The following FZD10 variants were observed in gnomAD, a reference collection of about 807,000 sequenced individuals.
The protein encoded by FZD10 is frizzled-10.
A neutral mutation model predicts 24.4 loss-of-function variants in FZD10; 14 were observed. The observed-to-expected ratio is 0.57, with a 90% CI of 0.38 to 0.90. The LOEUF is 0.90. FZD10 is among the 40% of genes least tolerant of loss of function. The pLI is 0.00. For missense variants in FZD10, 775 were observed against 816.6 expected (o/e 0.95, Z 0.62); for synonymous variants, 381 against 349.1 (o/e 1.09, Z -1.02).
At position 130,164,209 on chromosome 12, in the gene FZD10, A is replaced by C. The variant is rs762342183; in HGVS notation, c.1267A>C (p.Ile423Leu). The stretch of plus-strand genomic sequence containing the variant: ...CTCGGGCTTCGTGGCCCTGTTCCAC[A>C]TCCGGAGGGTGATGAAGACGGGCGG... ...ILSGFVALFH[I>L]RRVMKTGGEN... Residue 423 changes from isoleucine to leucine, a missense_variant, in exon 1 of 1, where the codon ATC (isoleucine) becomes CTC (leucine). Ile to Leu is a conservative substitution (Grantham distance 5, BLOSUM62 2). Coordinates refer to ENST00000229030, the MANE Select transcript of FZD10 (RefSeq NM_007197.4). This position sits in a 1 kb window ranked among gnomAD's most constrained non-coding sequence, Gnocchi z 5.3. The C allele has an allele frequency of 6.2e-7, 1 of 1,614,140 alleles. No individual in the cohort carries two copies.
Position 130,163,614 on chromosome 12 carries a change from G to A in FZD10, c.672G>A (p.Lys224=), listed in dbSNP as rs759173330. 2.5e-6 allele frequency: 4 copies of A among 1,612,700 alleles called. No homozygotes were observed. Among genetic ancestry groups the A allele is most frequent in the Non-Finnish European group, 2.5e-6 (3 of 1,179,866 alleles). ...GVDVYWSRED[K]RFAVVWLAIW... ...ACGTGTACTGGAGCCGCGAGGACAAGCGCTTCGCAGTGGTCTGGCTGGCCA... is the reference window on the plus strand; with the variant it reads ...ACGTGTACTGGAGCCGCGAGGACAAACGCTTCGCAGTGGTCTGGCTGGCCA... Residue 224 remains lysine, a synonymous_variant, in exon 1 of 1, where the codon AAG becomes AAA. Transcript: ENST00000229030.
Position 130,163,974 on chromosome 12 carries a change from C to T in FZD10, c.1032C>T (p.His344=), listed in dbSNP as rs144306405. The T allele has an allele frequency of 2.9e-5, 47 of 1,613,712 alleles. 1 individual carries two copies. In the African/African-American group the frequency reaches 5.1e-4, roughly 17 times the overall value. Residue 344 remains histidine (H), a synonymous_variant, in exon 1 of 1, where the codon CAC becomes CAT. Coordinates refer to ENST00000229030, the MANE Select transcript of FZD10 (RefSeq NM_007197.4). ...TGGCCGCCGGCAAGAAGTGGGGCCACGAGGCCATCGAAGCCAACAGCAGCT... is the reference window on the plus strand; with the variant it reads ...TGGCCGCCGGCAAGAAGTGGGGCCATGAGGCCATCGAAGCCAACAGCAGCT... ...WFLAAGKKWG[H]EAIEANSSYF...
At position 130,163,606 on chromosome 12, in the gene FZD10, G is replaced by A. The variant is rs374628122; in HGVS notation, c.664G>A (p.Glu222Lys). The change falls in exon 1 of 1, where the codon GAG (glutamate) becomes AAG (lysine). Residue 222 changes from glutamate (E) to lysine (K), a missense_variant. Physicochemically the swap from Glu to Lys is moderately conservative, Grantham distance 56. Transcript: ENST00000229030. Reference sequence around the variant, plus strand: ...CGGCGTGGACGTGTACTGGAGCCGCGAGGACAAGCGCTTCGCAGTGGTCTG... The same window carrying A: ...CGGCGTGGACGTGTACTGGAGCCGCAAGGACAAGCGCTTCGCAGTGGTCTG... ...TPGVDVYWSR[E>K]DKRFAVVWLA... 5 of 1,612,244 alleles carry A rather than the reference G, an allele frequency of 3.1e-6. No individual in the cohort carries two copies. Among genetic ancestry groups the A allele is most frequent in the African/African-American group, 2.7e-5 (2 of 74,944 alleles).
rs1268212888 is a variant in FZD10 at position 130,165,636 on chromosome 12, G to T, written c.*948G>T. The T allele has an allele frequency of 6.0e-6, 1 of 167,050 alleles. No individual in the cohort carries two copies. Among genetic ancestry groups the T allele is most frequent in the African/African-American group, 2.4e-5 (1 of 41,454 alleles). The allele number at this position is 167,050 out of a possible 1,614,324, so 10.3% of individuals were successfully genotyped here. On this transcript the variant is annotated 3_prime_UTR_variant, in exon 1 of 1. Coordinates refer to ENST00000229030, the MANE Select transcript of FZD10 (RefSeq NM_007197.4). ...CTTTGTCTAGTGTATTCTCTTCACA[G>T]TGCCAGGAAAGAGTGGTTTCTGCGT... is the stretch of plus-strand genomic sequence containing the variant.
rs763279090 is a variant in FZD10, at chr12:130,163,528, G to A, written c.586G>A (p.Gly196Ser). The A allele has an allele frequency of 1.8e-5, 29 of 1,591,472 alleles. No individual in the cohort carries two copies. Among genetic ancestry groups the A allele is most frequent in the Non-Finnish European group, 2.3e-5 (27 of 1,169,488 alleles). ...GPGRGGCDNP[G>S]KFHHVEKSAS... is the part of the protein sequence containing the mutation. Reference sequence around the variant, plus strand: ...CGGGCGCGGCGGCTGCGACAACCCGGGCAAGTTCCACCACGTGGAGAAGAG... The same window carrying A: ...CGGGCGCGGCGGCTGCGACAACCCGAGCAAGTTCCACCACGTGGAGAAGAG... The change falls in exon 1 of 1, where the codon GGC becomes AGC. Residue 196 changes from glycine (G) to serine (S), a missense_variant. Transcript: ENST00000229030.
Position 130,164,425 on chromosome 12 carries a change from G to T in FZD10, c.1483G>T (p.Ala495Ser). 6.2e-7 allele frequency: 1 copy of T among 1,613,904 alleles called. No homozygotes were observed. Among genetic ancestry groups the T allele is most frequent in the Non-Finnish European group, 8.5e-7 (1 of 1,180,030 alleles). ...GACTAAAACGCTGGACTGCCTGATG[G>T]CCGCCTCCATCCCCGCCGTGGAGAT... Reference protein sequence around the residue: ...NQTKTLDCLMAASIPAVEIFM... With the variant: ...NQTKTLDCLMSASIPAVEIFM... Residue 495 changes from alanine to serine, a missense_variant, in exon 1 of 1, where the codon GCC becomes TCC. Physicochemically the swap from Ala to Ser is moderately conservative, Grantham distance 99. Transcript: ENST00000229030. The surrounding 1 kb of genome is among the most constrained non-coding windows in gnomAD (Gnocchi z 5.3).
rs778426298 is a variant in FZD10, at chr12:130,163,217, C to G, written c.275C>G (p.Ala92Gly). ...HLRFFLCSLY[A>G]PMCTEQVSTP... ...CGCTTCTTCCTGTGCTCGCTGTACG[C>G]GCCGATGTGCACCGAGCAGGTCTCT... The change falls in exon 1 of 1, where the codon GCG (alanine) becomes GGG (glycine). Residue 92 changes from alanine (A) to glycine (G), a missense_variant. Coordinates refer to ENST00000229030, the MANE Select transcript of FZD10 (RefSeq NM_007197.4). The G allele has an allele frequency of 6.2e-7, 1 of 1,613,002 alleles. No individual in the cohort carries two copies. Among genetic ancestry groups the G allele is most frequent in the South Asian group, 1.1e-5 (1 of 91,080 alleles).
Position 130,165,616 on chromosome 12 carries a change from T to A in FZD10, c.*928T>A, listed in dbSNP as rs1451529758. ...GCACTAGGTTGGCAGAGACACTTTG[T>A]CTAGTGTATTCTCTTCACAGTGCCA... On this transcript the variant is annotated 3_prime_UTR_variant, in exon 1 of 1. Coordinates refer to ENST00000229030, the MANE Select transcript of FZD10 (RefSeq NM_007197.4). 1 of 167,096 alleles carries A rather than the reference T, an allele frequency of 6.0e-6. No individual in the cohort carries two copies. Among genetic ancestry groups the A allele is most frequent in the Non-Finnish European group, 1.5e-5 (1 of 68,126 alleles). The allele number at this position is 167,096 out of a possible 1,614,324, so 10.4% of individuals were successfully genotyped here. A position where few individuals can be genotyped will look rare whatever the true frequency, so the allele number is the denominator to read the frequency against.
Position 130,163,834 on chromosome 12 carries a change from T to G in FZD10, c.892T>G (p.Tyr298Asp), listed in dbSNP as rs962684822. The G allele has an allele frequency of 6.2e-7, 1 of 1,613,856 alleles. No homozygotes were observed. Among genetic ancestry groups the G allele is most frequent in the African/African-American group, 1.3e-5 (1 of 74,946 alleles). The change falls in exon 1 of 1, where the codon TAT becomes GAT. Residue 298 changes from tyrosine to aspartate, a missense_variant. Coordinates refer to ENST00000229030, the MANE Select transcript of FZD10 (RefSeq NM_007197.4). ...CTGCGACCGGGACAGCGGCCAGCTC[T>G]ATGTCATCCAGGAGGGACTGGAGAG... ...IACDRDSGQL[Y>D]VIQEGLESTG...
chr12:130,162,975 C>A lies in FZD10; in HGVS notation c.33C>A (p.Val11=). The A allele has an allele frequency of 6.4e-7, 1 of 1,559,846 alleles. No homozygotes were observed. Among genetic ancestry groups the A allele is most frequent in the Non-Finnish European group, 8.7e-7 (1 of 1,152,702 alleles). The part of the protein sequence containing the change: MQRPGPRLWL[V]LQVMGSCAAI... ...GCCCGGGCCCCCGCCTGTGGCTGGT[C>A]CTGCAGGTGATGGGCTCGTGCGCCG... Residue 11 remains valine (V), a synonymous_variant, in exon 1 of 1, where the codon GTC becomes GTA. Coordinates refer to ENST00000229030, the MANE Select transcript of FZD10 (RefSeq NM_007197.4).
chr12:130,164,179 A>ATCC lies in FZD10; in HGVS notation c.1240_1242dup (p.Leu414dup). The ATCC allele has an allele frequency of 6.2e-7, 1 of 1,613,942 alleles. No individual in the cohort carries two copies. Among genetic ancestry groups the ATCC allele is most frequent in the Non-Finnish European group, 8.5e-7 (1 of 1,180,034 alleles). ...CTACCTGGTCATCGGCACGTCCTTC[A>ATCC]TCCTCTCGGGCTTCGTGGCCCTGTT... On this transcript the variant is annotated inframe_insertion, in exon 1 of 1. Transcript: ENST00000229030. The surrounding 1 kb of genome is among the most constrained non-coding windows in gnomAD (Gnocchi z 5.3).
Position 130,164,175 on chromosome 12 carries a change from C to G in FZD10, c.1233C>G (p.Ser411=). ...PLACYLVIGT[S]FILSGFVALF... is the part of the protein sequence containing the mutation. ...CCTGCTACCTGGTCATCGGCACGTCCTTCATCCTCTCGGGCTTCGTGGCCC... is the reference window on the plus strand; with the variant it reads ...CCTGCTACCTGGTCATCGGCACGTCGTTCATCCTCTCGGGCTTCGTGGCCC... Residue 411 remains serine (S), a synonymous_variant, in exon 1 of 1, where the codon TCC becomes TCG. Coordinates refer to ENST00000229030, the MANE Select transcript of FZD10 (RefSeq NM_007197.4). This position sits in a 1 kb window ranked among gnomAD's most constrained non-coding sequence, Gnocchi z 5.3. 6.2e-7 allele frequency: 1 copy of G among 1,614,156 alleles called. No homozygotes were observed. The highest frequency in any genetic ancestry group is 8.5e-7 in the Non-Finnish European group (1 of 1,180,048).
chr12:130,163,035 C>T lies in FZD10; in HGVS notation c.93C>T (p.Asp31=). 1 of 1,611,894 alleles carries T rather than the reference C, an allele frequency of 6.2e-7. No homozygotes were observed. Among genetic ancestry groups the T allele is most frequent in the Non-Finnish European group, 8.5e-7 (1 of 1,179,602 alleles). The change falls in exon 1 of 1, where the codon GAC becomes GAT. Residue 31 remains aspartate, a synonymous_variant. Transcript: ENST00000229030. ...ISSMDMERPG[D]GKCQPIEIPM... is the part of the protein sequence containing the mutation. Reference sequence around the variant, plus strand: ...CCATGGACATGGAGCGCCCGGGCGACGGCAAATGCCAGCCCATCGAGATCC... The same window carrying T: ...CCATGGACATGGAGCGCCCGGGCGATGGCAAATGCCAGCCCATCGAGATCC...
In FZD10 at chr12:130,163,157, C is replaced by T; in HGVS notation, c.215C>T (p.Ala72Val). The T allele has an allele frequency of 6.2e-7, 1 of 1,612,904 alleles. No individual in the cohort carries two copies. The change falls in exon 1 of 1, where the codon GCG (alanine) becomes GTG (valine). Residue 72 changes from alanine (A) to valine (V), a missense_variant. Ala to Val is a moderately conservative substitution (Grantham distance 64). Transcript: ENST00000229030. ...GCAGCCATCCAGTTGCACGAGTTCG[C>T]GCCGCTGGTGGAGTACGGCTGCCAC... The part of the protein sequence containing the change: ...REAAIQLHEF[A>V]PLVEYGCHGH...
At position 130,163,553 on chromosome 12, in the gene FZD10, G is replaced by A; in HGVS notation, c.611G>A (p.Ser204Asn). ...GGCAAGTTCCACCACGTGGAGAAGAGCGCGTCGTGCGCGCCGCTCTGCACG... is the reference window on the plus strand; with the variant it reads ...GGCAAGTTCCACCACGTGGAGAAGAACGCGTCGTGCGCGCCGCTCTGCACG... ...NPGKFHHVEKSASCAPLCTPG... is the reference protein window; with the variant it reads ...NPGKFHHVEKNASCAPLCTPG... The change falls in exon 1 of 1, where the codon AGC (serine) becomes AAC (asparagine). Residue 204 changes from serine to asparagine, a missense_variant. By Grantham distance (46) the Ser-to-Asn change is conservative (BLOSUM62 1). Coordinates refer to ENST00000229030, the MANE Select transcript of FZD10 (RefSeq NM_007197.4). The A allele has an allele frequency of 6.3e-7, 1 of 1,599,748 alleles. No homozygotes were observed. Among genetic ancestry groups the A allele is most frequent in the East Asian group, 2.2e-5 (1 of 44,642 alleles).
At position 130,164,059 on chromosome 12, in the gene FZD10, C is replaced by A. The variant is rs777832754; in HGVS notation, c.1117C>A (p.Arg373Ser). 1.2e-6 allele frequency: 2 copies of A among 1,613,690 alleles called. No homozygotes were observed. Among genetic ancestry groups the A allele is most frequent in the South Asian group, 1.1e-5 (1 of 91,076 alleles). ...AVKTILILVM[R>S]RVAGDELTGV... ...GAAGACCATCCTGATCCTGGTCATG[C>A]GCAGGGTGGCGGGGGACGAGCTCAC... is the stretch of plus-strand genomic sequence containing the variant. Residue 373 changes from arginine (R) to serine (S), a missense_variant, in exon 1 of 1, where the codon CGC (arginine) becomes AGC (serine). Transcript: ENST00000229030. This position sits in a 1 kb window ranked among gnomAD's most constrained non-coding sequence, Gnocchi z 5.3.
rs939134736 is a variant in FZD10, at chr12:130,163,506, G to A, written c.564G>A (p.Gly188=). 14 of 1,585,016 alleles carry A rather than the reference G, an allele frequency of 8.8e-6. No homozygotes were observed. The highest frequency in any genetic ancestry group is 8.1e-5 in the African/African-American group (6 of 74,054). Residue 188 remains glycine (G), a synonymous_variant, in exon 1 of 1, where the codon GGG becomes GGA. Transcript: ENST00000229030. ...ACCCGCTGAAGGACGGGGGCCCCGG[G>A]CGCGGCGGCTGCGACAACCCGGGCA... ...QEHPLKDGGP[G]RGGCDNPGKF...
Position 130,163,355 on chromosome 12 carries a change from C to T in FZD10, c.413C>T (p.Pro138Leu). The T allele has an allele frequency of 1.9e-6, 3 of 1,613,010 alleles. No individual in the cohort carries two copies. The highest frequency in any genetic ancestry group is 2.5e-6 in the Non-Finnish European group (3 of 1,179,994). ...GACTCCCTGGACTGCCGGAAACTCCCCAACAAGAACGACCCCAACTACCTG... is the reference window on the plus strand; with the variant it reads ...GACTCCCTGGACTGCCGGAAACTCCTCAACAAGAACGACCCCAACTACCTG... ...WPDSLDCRKLPNKNDPNYLCM... is the reference protein window; with the variant it reads ...WPDSLDCRKLLNKNDPNYLCM... The change falls in exon 1 of 1, where the codon CCC becomes CTC. Residue 138 changes from proline (P) to leucine (L), a missense_variant. Transcript: ENST00000229030.
At position 130,163,851 on chromosome 12, in the gene FZD10, A is replaced by C; in HGVS notation, c.909A>C (p.Gly303=). Reference sequence around the variant, plus strand: ...GCCAGCTCTATGTCATCCAGGAGGGACTGGAGAGCACCGGCTGCACGCTGG... The same window carrying C: ...GCCAGCTCTATGTCATCCAGGAGGGCCTGGAGAGCACCGGCTGCACGCTGG... ...DSGQLYVIQE[G]LESTGCTLVF... Residue 303 remains glycine, a synonymous_variant, in exon 1 of 1, where the codon GGA becomes GGC. Coordinates refer to ENST00000229030, the MANE Select transcript of FZD10 (RefSeq NM_007197.4). The C allele has an allele frequency of 1.2e-6, 2 of 1,613,748 alleles. No homozygotes were observed. The highest frequency in any genetic ancestry group is 1.7e-6 in the Non-Finnish European group (2 of 1,179,984).
Sources: gnomAD v4.1 joint callset for allele counts on GRCh38, gnomAD v4.1.1 for gene constraint, Gnocchi (gnomAD v3.1) non-coding constraint, MANE v1.5 for transcripts, NCBI Gene and HGNC (gene_info 2026-07-23, HGNC 2026-07-21) for gene names.